The following ZFHX3 variants were observed in gnomAD, a reference collection of about 807,000 sequenced individuals.
ZFHX3 encodes zinc finger homeobox protein 3.
Under a neutral mutation model 279.1 loss-of-function variants are expected in ZFHX3, and 42 were observed. The observed-to-expected ratio is 0.15, with a 90% CI of 0.12 to 0.19. The LOEUF is 0.19. Among genes scored for constraint, ZFHX3 ranks in the 10% least tolerant of loss-of-function variants. ZFHX3 has a pLI of 1.00. For synonymous variants in ZFHX3, 2,293 were observed against 1,957.8 expected (o/e 1.17, Z -4.52); for missense variants, 4,981 against 4,754.0 (o/e 1.05, Z -1.40).
intron 6 of ZFHX3, among the ~76,000 whole-genome samples, chr16:73,139,576 TCTC>T (rs1371576115): frequency 6.6e-6 from 1 of 152,338 alleles, no homozygotes; most frequent in African/African-American, 2.4e-5. Context: ...ATTACGCTGT[TCTC>T]CTAAAGTCTC....
intron 5 of ZFHX3, among the ~76,000 whole-genome samples, chr16:72,813,113 G>A (rs966695331): frequency 1.3e-5 from 2 of 152,060 alleles, no homozygotes; most frequent in African/African-American, 4.8e-5. Context: ...CAATATCTGA[G>A]TGTTGGCTCT....
In ZFHX3 at chr16:72,796,749, T is replaced by C; in HGVS notation, c.5933A>G (p.Glu1978Gly). The change falls in exon 9 of 10, where the codon GAG becomes GGG. Residue 1978 changes from glutamate to glycine, a missense_variant. Physicochemically the swap from Glu to Gly is moderately conservative, Grantham distance 98 (BLOSUM62 -2). Coordinates refer to ENST00000268489, the MANE Select transcript of ZFHX3 (RefSeq NM_006885.4). ...GTCACACTCGAGCTTTTCCAGGTTC[T>C]CTCCCTGGTCAGTCTTCCCATTCTT... ...QKKNGKTDQGENLEKLECDSC... is the reference protein window; with the variant it reads ...QKKNGKTDQGGNLEKLECDSC... The C allele has an allele frequency of 6.2e-7, 1 of 1,613,780 alleles. No individual in the cohort carries two copies.
intron 5 of ZFHX3, among the ~76,000 whole-genome samples, chr16:73,246,691 C>T (rs951969205): frequency 2.6e-5 from 4 of 152,208 alleles, no homozygotes; most frequent in Admixed American, 2.6e-4. Context: ...AGCAAGTCTA[C>T]ATATTCTTTA....
intron 5 of ZFHX3, among the ~76,000 whole-genome samples, chr16:73,190,514 A>C (rs1443946417): frequency 6.6e-6 from 1 of 152,244 alleles, no homozygotes; most frequent in East Asian, 1.9e-4. Context: ...CATCATAGAA[A>C]ATGTTATAAG....
At chr16:73,210,780 C>T (rs569196192) in intron 5 of ZFHX3, among the ~76,000 whole-genome samples, 5 of 152,210 alleles carry the variant, frequency 3.3e-5, no homozygotes, top group Admixed American at 6.5e-5. Flanking sequence ...AGAGAGATGG[C>T]AGACAAGAAA....
At chr16:73,219,095 T>G (rs2012315124) in intron 5 of ZFHX3, among the ~76,000 whole-genome samples, 1 of 152,230 alleles carries the variant, frequency 6.6e-6, no homozygotes, top group African/African-American at 2.4e-5. Context: ...GTCTTCAAGG[T>G]TCATTCGTAT....
chr16:72,948,387 TA>T (rs1342297733), intron 3 of ZFHX3, among the ~76,000 whole-genome samples: 1 of 151,848 alleles, frequency 6.6e-6, no homozygotes, highest in Non-Finnish European at 1.5e-5. Context: ...TCCTCTACCT[TA>T]AAAAAAGAAA....
intron 5 of ZFHX3, among the ~76,000 whole-genome samples, chr16:73,203,848 C>T (rs1186911772): frequency 4.6e-5 from 7 of 152,172 alleles, no homozygotes; most frequent in Non-Finnish European, 1.0e-4. Context: ...GACAATTGTC[C>T]ATCTATACCT....
intron 3 of ZFHX3, among the ~76,000 whole-genome samples, chr16:73,424,872 A>G (rs146455580): frequency 6.3e-4 from 96 of 152,254 alleles, no homozygotes; most frequent in African/African-American, 2.2e-3. Context: ...GTTTAAAGCA[A>G]AAGAGTTCGT....
chr16:73,728,304 C>A (rs539742133), intron 1 of ZFHX3, among the ~76,000 whole-genome samples: 1 of 152,124 alleles, frequency 6.6e-6, no homozygotes. Flanking sequence ...ATCAAAGCAG[C>A]GCTGCTGACA....
chr16:73,281,323 T>C (rs1188245188), intron 4 of ZFHX3, among the ~76,000 whole-genome samples: 3 of 152,180 alleles, frequency 2.0e-5, no homozygotes, highest in Non-Finnish European at 2.9e-5. Context: ...ACCCTGCCAT[T>C]TGTGACACCA....
intron 2 of ZFHX3, among the ~76,000 whole-genome samples, chr16:73,490,928 A>G (rs2019047857): frequency 6.6e-6 from 1 of 152,232 alleles, no homozygotes; most frequent in African/African-American, 2.4e-5. Context: ...GAATGAATAT[A>G]TAATACAATG....
At position 73,253,890 on chromosome 16, in the gene ZFHX3, A is replaced by C. The variant is rs1251855228; in HGVS notation, c.-1104+3157T>G. On this transcript the variant is annotated intron_variant, in intron 5 of 17. Transcript: ENST00000641206. ...GAAGGAGTTAAGGTCCTTAAAAGGC[A>C]GGTTAGAAATGCAAGAAGACTAAGA... is the stretch of plus-strand genomic sequence containing the variant. Among the ~76,000 whole-genome samples the C allele has an allele frequency of 2.0e-5, 3 of 152,160 alleles. No individual in the cohort carries two copies. The East Asian group carries it at 5.8e-4, about 29-fold the overall frequency.
chr16:73,188,273 C>A (rs1392314252), intron 5 of ZFHX3, among the ~76,000 whole-genome samples: 1 of 152,070 alleles, frequency 6.6e-6, no homozygotes, highest in East Asian at 1.9e-4. Flanking sequence ...TACCTTACTG[C>A]AGCCTCTAAC....
intron 6 of ZFHX3, chr16:73,131,233 C>A: frequency 3.2e-6 from 1 of 311,164 alleles, no homozygotes; most frequent in Non-Finnish European, 6.7e-6. Context: ...AGCTACTATG[C>A]CTGTTATATA....
chr16:73,109,864 A>G (rs1966350570), intron 7 of ZFHX3, among the ~76,000 whole-genome samples: 1 of 151,766 alleles, frequency 6.6e-6, no homozygotes, highest in Admixed American at 6.6e-5. Flanking sequence ...AAAAACAAAA[A>G]CAAAAACAAA....
chr16:73,696,582 T>G (rs564484492), intron 1 of ZFHX3, among the ~76,000 whole-genome samples: 1 of 152,330 alleles, frequency 6.6e-6, no homozygotes, highest in Non-Finnish European at 1.5e-5. Context: ...GAGGTGAAGA[T>G]GCACCAACAG....
In ZFHX3 at chr16:72,959,322, T is replaced by C. The variant is rs367675803; in HGVS notation, c.824A>G (p.Tyr275Cys). ...DLSKFDGFVLYGKRKPILMCF... is the reference protein window; with the variant it reads ...DLSKFDGFVLCGKRKPILMCF... Reference sequence around the variant, plus strand: ...CATCAGGATGGGCTTCCTCTTGCCATAGAGCACAAAGCCATCGAATTTGGA... The same window carrying C: ...CATCAGGATGGGCTTCCTCTTGCCACAGAGCACAAAGCCATCGAATTTGGA... The change falls in exon 2 of 10, where the codon TAT becomes TGT. Residue 275 changes from tyrosine (Y) to cysteine (C), a missense_variant. Physicochemically the swap from Tyr to Cys is radical, Grantham distance 194. Transcript: ENST00000268489. The C allele has an allele frequency of 2.5e-6, 4 of 1,614,082 alleles. No homozygotes were observed. Among genetic ancestry groups the C allele is most frequent in the South Asian group, 2.2e-5 (2 of 91,082 alleles).
chr16:73,647,980 C>T lies in ZFHX3; in HGVS notation c.-1547+32200G>A, dbSNP rs116437766. Among the ~76,000 whole-genome samples, 875 of 152,222 alleles carry T rather than the reference C, an allele frequency of 5.7e-3. 9 individuals are homozygous for T. Among genetic ancestry groups the T allele is most frequent in the African/African-American group, 0.02 (830 of 41,522 alleles). ...TAAACAAAAAAAAATTTTAACTGATCTGCTTAGAAAAATGTTAATAATATT... is the reference window on the plus strand; with the variant it reads ...TAAACAAAAAAAAATTTTAACTGATTTGCTTAGAAAAATGTTAATAATATT... On this transcript the variant is annotated intron_variant, in intron 2 of 17. Transcript: ENST00000641206.
Sources: gnomAD v4.1 joint callset for allele counts (sites outside exome capture counted in the v4.1 genomes callset) on GRCh38, gnomAD v4.1.1 for gene constraint, MANE v1.5 for transcripts, NCBI Gene and HGNC (gene_info 2026-07-23, HGNC 2026-07-21) for gene names.